The following ETV1 variants were observed in gnomAD, a reference collection of about 807,000 sequenced individuals.
ETV1 encodes the protein ETS translocation variant 1.
Under a neutral mutation model 62.3 loss-of-function variants are expected in ETV1, and 27 were observed. That is an observed-to-expected ratio of 0.43 (90% CI 0.32 to 0.60). ETV1 has a LOEUF of 0.60. ETV1 is among the 20% of genes least tolerant of loss of function. The pLI is 0.06. For missense variants in ETV1, 605 were observed against 605.8 expected (o/e 1.00, Z 0.01); for synonymous variants, 222 against 199.6 (o/e 1.11, Z -0.94).
At chr7:13,918,444 G>A (rs1006969500) in intron 9 of ETV1, among the ~76,000 whole-genome samples, 46 of 152,070 alleles carry the variant, frequency 3.0e-4, no homozygotes, top group African/African-American at 1.1e-3. Flanking sequence ...TGTTTATTGC[G>A]GCATTATTCA....
intron 13 of ETV1, among the ~76,000 whole-genome samples, chr7:13,896,742 AG>A (rs11297046): frequency 1.1e-4 from 3 of 27,168 alleles, no homozygotes; most frequent in African/African-American, 1.5e-4. Context: ...AAAGAAAGAA[AG>A]GAAAGAAAGA....
chr7:13,917,288 G>GTATTTATTTATT (rs71548060), intron 9 of ETV1, among the ~76,000 whole-genome samples: 166 of 145,252 alleles, frequency 1.1e-3, no homozygotes, highest in South Asian at 2.3e-3. Flanking sequence ...GTAACTTTGA[G>GTATTTATTTATT]TATTTATTTA....
At chr7:13,951,886 T>A (rs1415142484) in intron 6 of ETV1, among the ~76,000 whole-genome samples, 2 of 152,152 alleles carry the variant, frequency 1.3e-5, no homozygotes, top group Non-Finnish European at 2.9e-5. Context: ...TTGTTACTAC[T>A]AGTATTAGTC....
chr7:13,924,269 C>G (rs1380560220), intron 9 of ETV1, among the ~76,000 whole-genome samples: 1 of 152,124 alleles, frequency 6.6e-6, no homozygotes, highest in Non-Finnish European at 1.5e-5. Flanking sequence ...TGAGAAGACT[C>G]AAACTCTATG....
intron 3 of ETV1, 112 bp downstream of exon 3, chr7:13,988,896 G>C: frequency 6.5e-7 from 1 of 1,538,920 alleles, no homozygotes; most frequent in Non-Finnish European, 8.9e-7. Flanking sequence ...CAACAAAGCA[G>C]ATAAGTATCT....
intron 6 of ETV1, among the ~76,000 whole-genome samples, chr7:13,962,579 G>C (rs1790317090): frequency 6.6e-6 from 1 of 152,078 alleles, no homozygotes; most frequent in African/African-American, 2.4e-5. Flanking sequence ...TTGCCAAATA[G>C]AGTCCAAACC....
At chr7:13,977,327 T>G in intron 6 of ETV1, 100 bp downstream of exon 6, 1 of 752,790 alleles carries the variant, frequency 1.3e-6, no homozygotes, top group Non-Finnish European at 2.2e-6. Context: ...TGGTACAATG[T>G]AAGACAAGAC....
intron 9 of ETV1, among the ~76,000 whole-genome samples, chr7:13,914,382 C>A (rs1783913568): frequency 6.6e-6 from 1 of 152,024 alleles, no homozygotes; most frequent in Non-Finnish European, 1.5e-5. Flanking sequence ...AATCAGCTTA[C>A]AGAAATTAAA....
chr7:13,909,559 G>T, intron 11 of ETV1, 73 bp downstream of exon 11: 2 of 1,117,912 alleles, frequency 1.8e-6, no homozygotes, highest in African/African-American at 1.5e-5. Context: ...GATGTCCACT[G>T]TTTTCAGAAG....
intron 6 of ETV1, among the ~76,000 whole-genome samples, chr7:13,971,674 AT>A (rs1359756387): frequency 2.6e-5 from 4 of 152,236 alleles, no homozygotes; most frequent in Admixed American, 6.5e-5. Context: ...TAAAATGTAA[AT>A]GTGAAAGTCA....
Position 13,938,992 on chromosome 7 carries a change from ACCT to A in ETV1, c.365+122_365+124del. On this transcript the variant is annotated intron_variant, in intron 7 of 13. Transcript: ENST00000430479. ...TCTTTAGAGTTCTGCTAAATGCATT[ACCT>A]AATTAGCTTGTTACATATTAAAGAC... 3.4e-6 allele frequency: 3 copies of A among 870,874 alleles called. No individual in the cohort carries two copies. In the African/African-American group the frequency reaches 5.2e-5, roughly 15 times the overall value. 53.9% of individuals were successfully genotyped at this position (870,874 alleles called of 1,614,324 possible). A position where few individuals can be genotyped will look rare whatever the true frequency, so the allele number is the denominator to read the frequency against.
At chr7:13,982,178 C>T (rs1308172898) in intron 5 of ETV1, among the ~76,000 whole-genome samples, 1 of 152,054 alleles carries the variant, frequency 6.6e-6, no homozygotes, top group African/African-American at 2.4e-5. Flanking sequence ...CCTGCAGTAA[C>T]TTGAAAACTT....
rs751904465 is a variant in ETV1 at position 13,911,320 on chromosome 7, AC to A, written c.803-14del. The A allele has an allele frequency of 1.2e-6, 2 of 1,600,880 alleles. No homozygotes were observed. The highest frequency in any genetic ancestry group is 1.7e-6 in the Non-Finnish European group (2 of 1,169,168). On this transcript the variant is annotated splice_polypyrimidine_tract_variant and intron_variant, in intron 9 of 13. Coordinates refer to ENST00000430479, the MANE Select transcript of ETV1 (RefSeq NM_004956.5). ...CAGCTAGGCACTTCTGAAAGAGGAAACAATATTGGTCAAAAAGAGTCTGGAG... is the reference window on the plus strand; with the variant it reads ...CAGCTAGGCACTTCTGAAAGAGGAAAAATATTGGTCAAAAAGAGTCTGGAG...
chr7:13,905,261 A>G (rs898059373), intron 12 of ETV1, among the ~76,000 whole-genome samples: 1 of 152,098 alleles, frequency 6.6e-6, no homozygotes, highest in Non-Finnish European at 1.5e-5. Flanking sequence ...AAGATGATGG[A>G]CCCAGTAGTC....
chr7:13,962,748 T>C (rs1179927286), intron 6 of ETV1, among the ~76,000 whole-genome samples: 1 of 152,140 alleles, frequency 6.6e-6, no homozygotes, highest in Non-Finnish European at 1.5e-5. Flanking sequence ...ACTTCAGGGA[T>C]TGCCCACTCC....
At chr7:13,987,093 T>C (rs1782615779) in intron 4 of ETV1, 2 of 177,080 alleles carry the variant, frequency 1.1e-5, no homozygotes, top group Non-Finnish European at 2.3e-5. Context: ...GCATTTTATT[T>C]ATATCTTCTG....
At chr7:13,935,077 T>G (rs1401739003) in intron 8 of ETV1, among the ~76,000 whole-genome samples, 1 of 152,126 alleles carries the variant, frequency 6.6e-6, no homozygotes, top group Non-Finnish European at 1.5e-5. Flanking sequence ...TCTCAAGGAG[T>G]CATGAATTAC....
intron 6 of ETV1, among the ~76,000 whole-genome samples, chr7:13,947,055 C>T (rs1278782238): frequency 1.3e-5 from 2 of 152,138 alleles, no homozygotes; most frequent in East Asian, 1.9e-4. Context: ...GGATTATAGG[C>T]GTGAGCCACC....
intron 6 of ETV1, among the ~76,000 whole-genome samples, chr7:13,976,062 A>T (rs997231759): frequency 2.0e-5 from 3 of 152,238 alleles, no homozygotes; most frequent in Non-Finnish European, 2.9e-5. Context: ...AGTGTTTCTA[A>T]GGGTGTCTAA....
Sources: allele counts gnomAD v4.1 joint callset (sites outside exome capture counted in the v4.1 genomes callset), GRCh38; gene constraint gnomAD v4.1.1; transcripts MANE v1.5; gene names NCBI Gene and HGNC (gene_info 2026-07-23, HGNC 2026-07-21).